LRRC4C: variants seen among roughly 807,000 people sequenced by gnomAD.
LRRC4C encodes the protein leucine rich repeat containing 4C, also known as leucine-rich repeat-containing protein 4C.
A neutral mutation model predicts 33.6 loss-of-function variants in LRRC4C; 5 were observed. The ratio of observed to expected loss-of-function variants is 0.15; its 90% confidence interval spans 0.08 to 0.31. LRRC4C has a LOEUF of 0.31. LRRC4C is among the 10% of genes least tolerant of loss of function. The probability of loss-of-function intolerance (pLI) is 1.00; values close to 1 mark genes in which losing one functional copy is unlikely to be tolerated. For synonymous variants in LRRC4C, 329 were observed against 302.0 expected (o/e 1.09, Z -0.93); for missense variants, 560 against 796.7 (o/e 0.70, Z 3.58).
chr11:40,511,687 C>A (rs1955323839), intron 3 of LRRC4C, among the ~76,000 whole-genome samples: 1 of 152,102 alleles, frequency 6.6e-6, no homozygotes, highest in Admixed American at 6.6e-5. Flanking sequence ...GCAGGGAATG[C>A]CACACTTAGT....
intron 2 of LRRC4C, among the ~76,000 whole-genome samples, chr11:40,805,525 T>C (rs1565083409): frequency 1.3e-5 from 2 of 152,198 alleles, no homozygotes; most frequent in Admixed American, 6.5e-5. Context: ...TATGTAAATA[T>C]TCTAGTGATA....
At chr11:41,456,031 T>C (rs978114090) in intron 1 of LRRC4C, among the ~76,000 whole-genome samples, 1 of 152,180 alleles carries the variant, frequency 6.6e-6, no homozygotes, top group Non-Finnish European at 1.5e-5. Flanking sequence ...ACACATCAAT[T>C]AATCCATCTT....
chr11:41,110,632 T>A (rs969828802), intron 1 of LRRC4C, among the ~76,000 whole-genome samples: 2 of 152,072 alleles, frequency 1.3e-5, no homozygotes, highest in Non-Finnish European at 2.9e-5. Context: ...TGCTGAAAAC[T>A]TTTTATTGTT....
chr11:40,137,058 G>A (rs1165467797), intron 6 of LRRC4C, among the ~76,000 whole-genome samples: 1 of 152,130 alleles, frequency 6.6e-6, no homozygotes, highest in East Asian at 1.9e-4. Flanking sequence ...AAAAAAGTTA[G>A]AGCTATCATT....
intron 2 of LRRC4C, among the ~76,000 whole-genome samples, chr11:40,788,641 T>C (rs1055829674): frequency 4.6e-5 from 7 of 152,222 alleles, no homozygotes; most frequent in African/African-American, 1.7e-4. Context: ...GTAAAGTCCA[T>C]TGCATTTTCT....
chr11:41,149,257 G>C (rs1470391313), intron 1 of LRRC4C, among the ~76,000 whole-genome samples: 1 of 152,152 alleles, frequency 6.6e-6, no homozygotes, highest in Non-Finnish European at 1.5e-5. Flanking sequence ...TGTAATCCCA[G>C]CACTTTGGGA....
At chr11:40,696,278 C>CCA (rs1945506820) in intron 2 of LRRC4C, among the ~76,000 whole-genome samples, 1 of 94,048 alleles carries the variant, frequency 1.1e-5, no homozygotes, top group Non-Finnish European at 1.9e-5. Flanking sequence ...TACCACAATG[C>CCA]CACATATATA....
rs16935237 is a variant in LRRC4C, at chr11:40,984,723, A to G, written c.-495-51000T>C. ...GAGCTATGTCTGTATAAATTGGAGT[A>G]TGATAAAAATTTGTGGGAGAATAGA... On this transcript the variant is annotated intron_variant, in intron 1 of 6. Coordinates refer to ENST00000528697, the MANE Select transcript of LRRC4C (RefSeq NM_001258419.2). Among the ~76,000 whole-genome samples the G allele has an allele frequency of 9.8e-3, 1,495 of 152,100 alleles. 33 individuals carry two copies. Among genetic ancestry groups the G allele is most frequent in the African/African-American group, 0.033 (1,376 of 41,506 alleles).
At chr11:40,312,684 T>A (rs919976782) in intron 4 of LRRC4C, among the ~76,000 whole-genome samples, 1 of 152,170 alleles carries the variant, frequency 6.6e-6, no homozygotes, top group South Asian at 2.1e-4. Flanking sequence ...GTTTTAGTCT[T>A]ATTTGCAAAA....
At chr11:40,888,073 G>A (rs1483818373) in intron 2 of LRRC4C, among the ~76,000 whole-genome samples, 2 of 151,830 alleles carry the variant, frequency 1.3e-5, no homozygotes, top group African/African-American at 4.8e-5. Flanking sequence ...TTGATTTTTA[G>A]ATCAACATAT....
At chr11:41,074,519 A>G (rs1470922707) in intron 1 of LRRC4C, among the ~76,000 whole-genome samples, 2 of 152,212 alleles carry the variant, frequency 1.3e-5, no homozygotes, top group Non-Finnish European at 2.9e-5. Flanking sequence ...TAAATAAACA[A>G]GACATTTCAT....
chr11:40,158,422 A>T (rs997190614), intron 5 of LRRC4C, among the ~76,000 whole-genome samples: 6 of 152,162 alleles, frequency 3.9e-5, no homozygotes, highest in Admixed American at 1.3e-4. Flanking sequence ...AAAAAATTTT[A>T]AAAATTACAT....
chr11:40,485,064 G>T (rs978606930), intron 3 of LRRC4C, among the ~76,000 whole-genome samples: 61 of 152,024 alleles, frequency 4.0e-4, no homozygotes, highest in African/African-American at 1.5e-3. Context: ...AAATTAGAAG[G>T]TGAACCTGGG....
At chr11:40,770,812 C>G (rs1033978105) in intron 2 of LRRC4C, among the ~76,000 whole-genome samples, 2 of 152,178 alleles carry the variant, frequency 1.3e-5, no homozygotes, top group African/African-American at 4.8e-5. Context: ...AAACTGACCT[C>G]CTTTGACTCA....
intron 3 of LRRC4C, among the ~76,000 whole-genome samples, chr11:40,511,241 G>A (rs911671807): frequency 1.3e-5 from 2 of 152,160 alleles, no homozygotes; most frequent in Non-Finnish European, 2.9e-5. Context: ...TACTGAAAGT[G>A]ACAGAAACAG....
intron 2 of LRRC4C, among the ~76,000 whole-genome samples, chr11:40,715,984 G>A (rs1191979619): frequency 2.6e-5 from 4 of 151,800 alleles, no homozygotes; most frequent in Non-Finnish European, 5.9e-5. Flanking sequence ...GCACTGAGCC[G>A]AGATTGCACC....
chr11:41,404,535 GACAC>G (rs138726744), intron 1 of LRRC4C, among the ~76,000 whole-genome samples: 9 of 37,288 alleles, frequency 2.4e-4, no homozygotes, highest in African/African-American at 7.8e-4. Context: ...AAGACACACA[GACAC>G]ACACACACAC....
intron 1 of LRRC4C, among the ~76,000 whole-genome samples, chr11:40,941,496 T>G (rs967616821): frequency 8.5e-5 from 13 of 152,178 alleles, no homozygotes; most frequent in African/African-American, 2.9e-4. Context: ...TCATGTTTAG[T>G]TAAATTAAGA....
At chr11:40,583,224 A>G (rs1194246940) in intron 3 of LRRC4C, among the ~76,000 whole-genome samples, 1 of 152,168 alleles carries the variant, frequency 6.6e-6, no homozygotes, top group African/African-American at 2.4e-5. Context: ...TTCTAAGGTT[A>G]TTACCTATGA....
Sources: gnomAD v4.1 joint callset for allele counts (sites outside exome capture counted in the v4.1 genomes callset) on GRCh38, gnomAD v4.1.1 for gene constraint, MANE v1.5 for transcripts, NCBI Gene and HGNC (gene_info 2026-07-23, HGNC 2026-07-21) for gene names.